The following KPNA3 variants were observed in gnomAD, a reference collection of about 807,000 sequenced individuals.
KPNA3 encodes the protein karyopherin subunit alpha 3.
In KPNA3, 13 loss-of-function variants were observed where a neutral mutation model predicts 73.8. That is an observed-to-expected ratio of 0.18 (90% confidence interval 0.11 to 0.28). The LOEUF is 0.28. Among genes scored for constraint, KPNA3 ranks in the 10% least tolerant of loss-of-function variants. The pLI is 1.00. For missense variants in KPNA3, 360 were observed against 618.1 expected (o/e 0.58, Z 4.43); for synonymous variants, 186 against 206.9 (o/e 0.90, Z 0.87).
At chr13:49,778,235 T>C (rs1162433976) in intron 1 of KPNA3, among the ~76,000 whole-genome samples, 1 of 152,258 alleles carries the variant, frequency 6.6e-6, no homozygotes, top group South Asian at 2.1e-4. Context: ...TAGTGAACTA[T>C]AAATGTATCT....
chr13:49,740,265 T>C (rs1406374229), intron 2 of KPNA3, among the ~76,000 whole-genome samples: 2 of 151,664 alleles, frequency 1.3e-5, no homozygotes, highest in Admixed American at 6.6e-5. Context: ...AAAAAAAAAT[T>C]AACACATGCA....
intron 10 of KPNA3, among the ~76,000 whole-genome samples, chr13:49,713,634 A>AACACACACACACACAC (rs66994650): frequency 7.1e-6 from 1 of 140,830 alleles, no homozygotes; most frequent in South Asian, 2.4e-4. Flanking sequence ...TCTTAGGTGA[A>AACACACACACACACAC]ACACACACAC....
chr13:49,774,975 G>A (rs1954884607), intron 1 of KPNA3, among the ~76,000 whole-genome samples: 1 of 151,996 alleles, frequency 6.6e-6, no homozygotes, highest in African/African-American at 2.4e-5. Context: ...CCAACCTGGT[G>A]AAACCCTGCC....
chr13:49,737,528 GTT>G (rs1353748936), intron 2 of KPNA3, among the ~76,000 whole-genome samples: 1 of 147,574 alleles, frequency 6.8e-6, no homozygotes, highest in Admixed American at 6.7e-5. Context: ...AAATTAGACT[GTT>G]TTGTTTTTTC....
chr13:49,705,593 T>C, intron 15 of KPNA3, 28 bp downstream of exon 15: 1 of 1,603,718 alleles, frequency 6.2e-7, no homozygotes, highest in Non-Finnish European at 8.5e-7. Context: ...AGTGCTCAAA[T>C]ACTCTTCTTC....
At chr13:49,749,265 C>T (rs993005760) in intron 1 of KPNA3, among the ~76,000 whole-genome samples, 1 of 152,048 alleles carries the variant, frequency 6.6e-6, no homozygotes, top group Non-Finnish European at 1.5e-5. Flanking sequence ...TTTTAAACAC[C>T]CCTAAACAGG....
intron 12 of KPNA3, among the ~76,000 whole-genome samples, chr13:49,709,366 A>G (rs538405807): frequency 6.8e-6 from 1 of 147,004 alleles, no homozygotes; most frequent in East Asian, 2.0e-4. Flanking sequence ...GTGCCACTGC[A>G]CTCCAGCCTA....
chr13:49,761,639 G>A lies in KPNA3; in HGVS notation c.70-14646C>T, dbSNP rs1456111466. ...CTTGGCCTCCCAAAGTGCCGAGATT[G>A]CAGCCTCTGCCCAGCCGCCACCCCG... On this transcript the variant is annotated intron_variant, in intron 1 of 16. Transcript: ENST00000261667. 1.0e-3 allele frequency among the ~76,000 whole-genome samples: 156 copies of A among 152,334 alleles called. 1 individual carries two copies. The highest frequency in any genetic ancestry group is 3.5e-3 in the African/African-American group (146 of 41,592).
At chr13:49,717,275 TA>T (rs1334972601) in intron 10 of KPNA3, among the ~76,000 whole-genome samples, 1 of 151,716 alleles carries the variant, frequency 6.6e-6, no homozygotes, top group Non-Finnish European at 1.5e-5. Flanking sequence ...AAAACTCATA[TA>T]AAAAATTAGC....
At chr13:49,709,172 G>A (rs916229629) in intron 12 of KPNA3, among the ~76,000 whole-genome samples, 11 of 152,246 alleles carry the variant, frequency 7.2e-5, no homozygotes, top group African/African-American at 2.7e-4. Flanking sequence ...TGGGGCTGAA[G>A]CAGGCGGATC....
intron 2 of KPNA3, among the ~76,000 whole-genome samples, chr13:49,741,770 T>C (rs554766759): frequency 1.3e-5 from 2 of 152,328 alleles, no homozygotes; most frequent in South Asian, 4.1e-4. Context: ...CATTTTTTAA[T>C]TGTTAGTTTT....
intron 1 of KPNA3, among the ~76,000 whole-genome samples, chr13:49,771,706 C>G (rs763045679): frequency 3.9e-4 from 60 of 152,190 alleles, no homozygotes; most frequent in Non-Finnish European, 1.2e-4. Flanking sequence ...TACTGCTCAT[C>G]ATAGTAACAC....
intron 1 of KPNA3, among the ~76,000 whole-genome samples, chr13:49,770,044 T>C (rs1954840354): frequency 6.6e-6 from 1 of 152,192 alleles, no homozygotes; most frequent in Admixed American, 6.5e-5. Flanking sequence ...TTCAGGGAAC[T>C]GTCCAAGTCC....
rs115335503 is a variant in KPNA3 at position 49,758,811 on chromosome 13, A to G, written c.70-11818T>C. Among the ~76,000 whole-genome samples the G allele has an allele frequency of 1.6e-3, 239 of 152,260 alleles. 1 individual carries two copies. Among genetic ancestry groups the G allele is most frequent in the African/African-American group, 5.0e-3 (207 of 41,546 alleles). ...ACACACAAAATTTTGTTTTAATCCT[A>G]TATCTATCCACCCCAAGATGTCTAC... On this transcript the variant is annotated intron_variant, in intron 1 of 16. Transcript: ENST00000261667.
chr13:49,705,087 A>G (rs1025868990), intron 15 of KPNA3, among the ~76,000 whole-genome samples: 2 of 152,176 alleles, frequency 1.3e-5, no homozygotes, highest in African/African-American at 2.4e-5. Context: ...GGCCAGGCGC[A>G]GTGGCTCATG....
chr13:49,756,408 T>G (rs1954712278), intron 1 of KPNA3, among the ~76,000 whole-genome samples: 1 of 152,224 alleles, frequency 6.6e-6, no homozygotes, highest in Admixed American at 6.5e-5. Context: ...AATTTAAAAA[T>G]TAGCCAGGTA....
chr13:49,749,368 T>C (rs74871508), intron 1 of KPNA3, among the ~76,000 whole-genome samples: 2 of 152,306 alleles, frequency 1.3e-5, no homozygotes, highest in East Asian at 3.9e-4. Context: ...TGGAAATAGA[T>C]TTTTACTGCT....
At chr13:49,729,975 C>T (rs1318956537) in intron 6 of KPNA3, among the ~76,000 whole-genome samples, 2 of 152,116 alleles carry the variant, frequency 1.3e-5, no homozygotes, top group Non-Finnish European at 2.9e-5. Flanking sequence ...AATCTGGCTC[C>T]AAAGTATATG....
intron 1 of KPNA3, among the ~76,000 whole-genome samples, chr13:49,755,877 GATCT>G (rs1272249692): frequency 2.0e-5 from 3 of 152,180 alleles, no homozygotes; most frequent in African/African-American, 4.8e-5. Flanking sequence ...AAACTTTCCA[GATCT>G]ATTAAGTGAG....
Sources: gnomAD v4.1 joint callset for allele counts (sites outside exome capture counted in the v4.1 genomes callset) on GRCh38, gnomAD v4.1.1 for gene constraint, MANE v1.5 for transcripts, NCBI Gene and HGNC (gene_info 2026-07-23, HGNC 2026-07-21) for gene names.